The following UBE2E3 variants were observed in gnomAD, a reference collection of about 807,000 sequenced individuals.
The protein encoded by UBE2E3 is ubiquitin conjugating enzyme E2 E3.
Under a neutral mutation model 23.6 loss-of-function variants are expected in UBE2E3, and 5 were observed. That is an observed-to-expected ratio of 0.21 (90% confidence interval 0.11 to 0.44). The LOEUF (loss-of-function observed/expected upper bound fraction) is 0.44. Ranked by LOEUF, UBE2E3 falls within the 20% of genes least tolerant of loss-of-function variation. The probability of loss-of-function intolerance (pLI) is 0.99; values close to 1 mark genes in which losing one functional copy is unlikely to be tolerated. For missense variants in UBE2E3, 81 were observed against 249.8 expected, an observed-to-expected ratio of 0.32 and a Z score of 4.55; for synonymous variants, 78 against 87.5, an observed-to-expected ratio of 0.89 and a Z score of 0.60.
At position 180,980,881 on chromosome 2, in the gene UBE2E3, C is replaced by CA. The variant is rs1684260830; in HGVS notation, c.-117dup. The CA allele has an allele frequency of 6.7e-6, 1 of 149,852 alleles. No individual in the cohort carries two copies. The highest frequency in any genetic ancestry group is 1.5e-5 in the Non-Finnish European group (1 of 67,162). 9.3% of individuals were successfully genotyped at this position (149,852 alleles called of 1,614,324 possible). A position where few individuals can be genotyped will look rare whatever the true frequency, so the allele number is the denominator to read the frequency against. ...TTTCCCTCCCCCCCCTTCCCCCCCC[C>CA]ACAGCTGCCTCCATTTCCTTAAGGA... On this transcript the variant is annotated 5_prime_UTR_variant, in exon 1 of 6. The change creates a premature stop within an existing upstream ORF in the 5' untranslated region. Coordinates refer to ENST00000410062, the MANE Select transcript of UBE2E3 (RefSeq NM_006357.4). This position sits in a 1 kb window ranked among gnomAD's most constrained non-coding sequence, Gnocchi z 5.5.
intron 3 of UBE2E3, among the ~76,000 whole-genome samples, chr2:180,984,834 A>G (rs934800582): frequency 4.0e-5 from 6 of 151,880 alleles, no homozygotes; most frequent in African/African-American, 1.5e-4. Context: ...AATTTTTTTC[A>G]TTTCATTTGT....
chr2:180,980,423 T>C (rs923070506), upstream of UBE2E3: 3 of 151,144 alleles, frequency 2.0e-5, no homozygotes, highest in African/African-American at 7.3e-5. The surrounding 1 kb of genome is among the most constrained non-coding windows in gnomAD (Gnocchi z 5.5). Flanking sequence ...GCGCTCTTTG[T>C]CCTGGCCGCG....
intron 3 of UBE2E3, among the ~76,000 whole-genome samples, chr2:181,035,029 G>A (rs926436486): frequency 1.4e-4 from 21 of 152,086 alleles, no homozygotes; most frequent in Non-Finnish European, 2.2e-4. Flanking sequence ...GGCAAAATCC[G>A]CCTTGGAAAA....
chr2:181,044,320 A>C (rs192017046), intron 3 of UBE2E3, among the ~76,000 whole-genome samples: 1 of 152,206 alleles, frequency 6.6e-6, no homozygotes, highest in African/African-American at 2.4e-5. Flanking sequence ...GAAACTGACT[A>C]TATGTAATTT....
chr2:181,016,546 GT>G (rs1185306989), intron 3 of UBE2E3, among the ~76,000 whole-genome samples: 9 of 152,096 alleles, frequency 5.9e-5, no homozygotes, highest in Non-Finnish European at 1.3e-4. Context: ...TCATTTTACA[GT>G]TTAGCCTAGA....
chr2:181,041,115 G>A (rs1018474573), intron 3 of UBE2E3, among the ~76,000 whole-genome samples: 18 of 151,412 alleles, frequency 1.2e-4, no homozygotes, highest in African/African-American at 4.1e-4. Flanking sequence ...GGGTGTGGCA[G>A]CACGTGCCTG....
intron 3 of UBE2E3, among the ~76,000 whole-genome samples, chr2:181,010,154 G>C (rs1685275903): frequency 6.6e-6 from 1 of 151,998 alleles, no homozygotes; most frequent in Non-Finnish European, 1.5e-5. Context: ...TACCATAATG[G>C]TGTAATAATT....
chr2:180,995,779 T>TTTG (rs1266982502), intron 3 of UBE2E3, among the ~76,000 whole-genome samples: 1 of 152,000 alleles, frequency 6.6e-6, no homozygotes, highest in African/African-American at 2.4e-5. Flanking sequence ...TTTTTGTTTG[T>TTTG]TTGTTTTGTT....
intron 3 of UBE2E3, among the ~76,000 whole-genome samples, chr2:181,031,637 T>C (rs1686082637): frequency 6.6e-6 from 1 of 152,194 alleles, no homozygotes; most frequent in Non-Finnish European, 1.5e-5. Context: ...CCCTCCTCCT[T>C]GCCTTGCCTT....
At chr2:181,037,597 A>G (rs1686337708) in intron 3 of UBE2E3, among the ~76,000 whole-genome samples, 1 of 152,176 alleles carries the variant, frequency 6.6e-6, no homozygotes, top group African/African-American at 2.4e-5. Flanking sequence ...ATATTTTTGT[A>G]CAGCTATACA....
intron 3 of UBE2E3, among the ~76,000 whole-genome samples, chr2:181,048,319 C>T (rs763938781): frequency 7.9e-5 from 12 of 152,106 alleles, no homozygotes; most frequent in Non-Finnish European, 1.5e-4. Flanking sequence ...AGCCCCAAAT[C>T]GTAGACACTC....
intron 3 of UBE2E3, among the ~76,000 whole-genome samples, chr2:181,044,530 A>G (rs1305425555): frequency 6.6e-6 from 1 of 152,116 alleles, no homozygotes; most frequent in Non-Finnish European, 1.5e-5. Flanking sequence ...CTTTAATAGG[A>G]GATTGTGTTT....
intron 3 of UBE2E3, among the ~76,000 whole-genome samples, chr2:181,027,349 G>C (rs755763755): frequency 1.3e-5 from 2 of 151,800 alleles, no homozygotes; most frequent in Non-Finnish European, 3.0e-5. Flanking sequence ...CTTGGTAGCT[G>C]CATCATATAT....
chr2:181,025,984 A>G (rs776251998), intron 3 of UBE2E3, among the ~76,000 whole-genome samples: 21 of 151,952 alleles, frequency 1.4e-4, no homozygotes, highest in Non-Finnish European at 2.4e-4. Context: ...TTTTAACGTC[A>G]TTCAAAACAT....
intron 3 of UBE2E3, among the ~76,000 whole-genome samples, chr2:181,025,828 T>C (rs982648135): frequency 2.6e-5 from 4 of 151,964 alleles, no homozygotes; most frequent in African/African-American, 9.7e-5. Context: ...CTAATGTCAA[T>C]GTAGAGCCCT....
intron 3 of UBE2E3, among the ~76,000 whole-genome samples, chr2:181,036,685 C>T (rs1478594094): frequency 6.6e-6 from 1 of 152,216 alleles, no homozygotes; most frequent in Non-Finnish European, 1.5e-5. Context: ...ACTCTTCAGC[C>T]ACCCTCTACC....
chr2:181,042,569 G>A (rs956926732), intron 3 of UBE2E3, among the ~76,000 whole-genome samples: 3 of 152,188 alleles, frequency 2.0e-5, no homozygotes, highest in African/African-American at 7.2e-5. Flanking sequence ...TAAGGATGCT[G>A]GTGAAAGAGT....
intron 3 of UBE2E3, among the ~76,000 whole-genome samples, chr2:180,998,838 G>C (rs974842177): frequency 1.3e-5 from 2 of 152,264 alleles, no homozygotes; most frequent in African/African-American, 2.4e-5. Context: ...GTCAACGGCA[G>C]TTCCTTCAGA....
Position 181,060,659 on chromosome 2 carries a change from G to T in UBE2E3, c.379-6G>T, listed in dbSNP as rs1441652840. 3.8e-6 allele frequency: 6 copies of T among 1,595,430 alleles called. No individual in the cohort carries two copies. Among genetic ancestry groups the T allele is most frequent in the Admixed American group, 1.8e-5 (1 of 56,988 alleles). On this transcript the variant is annotated splice_polypyrimidine_tract_variant and splice_region_variant and intron_variant, in intron 4 of 5. Coordinates refer to ENST00000410062, the MANE Select transcript of UBE2E3 (RefSeq NM_006357.4). ...TTCCTTCTGTTTTTAATGTGACTGT[G>T]CTTAGGTTACTTTCCGCACCAGAAT...
Sources: allele counts gnomAD v4.1 joint callset (sites outside exome capture counted in the v4.1 genomes callset), GRCh38; gene constraint gnomAD v4.1.1; non-coding constraint Gnocchi (gnomAD v3.1); transcripts MANE v1.5; gene names NCBI Gene and HGNC (gene_info 2026-07-23, HGNC 2026-07-21).